RPS6KA5: variants seen among roughly 807,000 people sequenced by gnomAD.
The protein encoded by RPS6KA5 is ribosomal protein S6 kinase A5.
A neutral mutation model predicts 85.5 loss-of-function variants in RPS6KA5; 27 were observed. The ratio of observed to expected loss-of-function variants is 0.32; its 90% CI spans 0.23 to 0.44. The LOEUF is 0.44. RPS6KA5 is among the 20% of genes least tolerant of loss of function. The pLI, the probability that RPS6KA5 is intolerant of heterozygous loss-of-function variation, is 1.00. For synonymous variants in RPS6KA5, 334 were observed against 348.2 expected, an observed-to-expected ratio of 0.96 and a Z score of 0.46; for missense variants, 811 against 980.9, an observed-to-expected ratio of 0.83 and a Z score of 2.31.
chr14:91,053,492 C>A (rs979238040), intron 1 of RPS6KA5, among the ~76,000 whole-genome samples: 5 of 152,168 alleles, frequency 3.3e-5, no homozygotes, highest in Admixed American at 6.5e-5. Context: ...AACCAATAAA[C>A]TAGTTCACCA....
At chr14:90,911,443 T>C (rs573358398) in intron 7 of RPS6KA5, 52 of 152,340 alleles carry the variant, frequency 3.4e-4, no homozygotes, top group African/African-American at 1.2e-3. Context: ...GTTCACAATC[T>C]TTTCCATTTC....
chr14:91,004,948 C>T (rs571944456), intron 1 of RPS6KA5, among the ~76,000 whole-genome samples: 28 of 150,288 alleles, frequency 1.9e-4, no homozygotes, highest in African/African-American at 2.2e-4. Flanking sequence ...CCAGCTTGGG[C>T]GACAAAGTGA....
At chr14:90,888,149 G>C (rs2034342472) in intron 14 of RPS6KA5, among the ~76,000 whole-genome samples, 1 of 151,944 alleles carries the variant, frequency 6.6e-6, no homozygotes, top group Non-Finnish European at 1.5e-5. Flanking sequence ...ATTATCCTGT[G>C]ATATCATTTA....
chr14:90,985,568 A>G (rs1364431604), intron 2 of RPS6KA5, among the ~76,000 whole-genome samples: 1 of 152,270 alleles, frequency 6.6e-6, no homozygotes. Context: ...TACCTTGAAT[A>G]GAATGTTTAC....
In RPS6KA5 at chr14:90,900,710, G is replaced by C; in HGVS notation, c.1146C>G (p.Ile382Met). 3 of 1,612,926 alleles carry C rather than the reference G, an allele frequency of 1.9e-6. No individual in the cohort carries two copies. Among genetic ancestry groups the C allele is most frequent in the Non-Finnish European group, 1.7e-6 (2 of 1,179,502 alleles). The change falls in exon 10 of 17, where the codon ATC (isoleucine) becomes ATG (methionine). Residue 382 changes from isoleucine (I) to methionine (M), a missense_variant. Around this residue, in one of 3 missense-constraint regions of RPS6KA5, gnomAD observed 650 missense variants for 793.4 expected, o/e 0.82. Coordinates refer to ENST00000614987, the MANE Select transcript of RPS6KA5 (RefSeq NM_004755.4). ...TGACAGCTGCATTACGCTTGAATAG[G>C]ATGGAAGGAGCAACAAAGGAATAGC... is the stretch of plus-strand genomic sequence containing the variant. ...FQGYSFVAPS[I>M]LFKRNAAVID...
chr14:90,934,983 A>C (rs184988025), intron 5 of RPS6KA5, among the ~76,000 whole-genome samples: 419 of 152,282 alleles, frequency 2.8e-3, no homozygotes, highest in Admixed American at 9.6e-3. Flanking sequence ...AAATAACTAA[A>C]TTATCCTAGA....
intron 2 of RPS6KA5, among the ~76,000 whole-genome samples, chr14:90,987,697 AGCC>A (rs1057305399): frequency 2.7e-5 from 4 of 150,456 alleles, no homozygotes; most frequent in Non-Finnish European, 4.4e-5. Context: ...CAGCAGCAGC[AGCC>A]ACAACAACAA....
At chr14:90,990,867 G>A (rs1316094132) in intron 2 of RPS6KA5, among the ~76,000 whole-genome samples, 2 of 152,146 alleles carry the variant, frequency 1.3e-5, no homozygotes, top group African/African-American at 4.8e-5. Context: ...AGATACTAGG[G>A]CCTACTTGAG....
chr14:90,871,937 G>A lies in RPS6KA5; in HGVS notation c.*137C>T. 8.7e-7 allele frequency: 1 copy of A among 1,153,094 alleles called. No homozygotes were observed. The highest frequency in any genetic ancestry group is 1.2e-6 in the Non-Finnish European group (1 of 813,024). 71.4% of individuals were successfully genotyped at this position (1,153,094 alleles called of 1,614,324 possible). A position where few individuals can be genotyped will look rare whatever the true frequency, so the allele number is the denominator to read the frequency against. On this transcript the variant is annotated 3_prime_UTR_variant, in exon 17 of 17. Transcript: ENST00000614987. ...CTTTTGAATGAGGATAACCAAACAG[G>A]TTTTCCTGAAAAAAATCATTAGGAG...
intron 1 of RPS6KA5, among the ~76,000 whole-genome samples, chr14:91,004,751 A>G (rs1277527585): frequency 6.6e-6 from 1 of 151,924 alleles, no homozygotes; most frequent in Admixed American, 6.5e-5. Context: ...GTGGATCACG[A>G]GGTCAGGAGA....
chr14:90,875,398 A>T (rs546253892), intron 14 of RPS6KA5, 38 bp from the exon 15 acceptor site: 2 of 1,584,746 alleles, frequency 1.3e-6, no homozygotes, highest in South Asian at 2.3e-5. Flanking sequence ...ATGACTACCC[A>T]GATCTGTTAA....
At chr14:90,971,734 T>C (rs1481731010) in intron 3 of RPS6KA5, among the ~76,000 whole-genome samples, 5 of 152,200 alleles carry the variant, frequency 3.3e-5, no homozygotes, top group Admixed American at 3.3e-4. Flanking sequence ...AGTAGGCACA[T>C]GATGGCAGCC....
Position 90,864,903 on chromosome 14 carries a change from G to A in RPS6KA5, c.*7171C>T, listed in dbSNP as rs1430143505. On this transcript the variant is annotated 3_prime_UTR_variant, in exon 17 of 17. Transcript: ENST00000614987. ...GAGTGGCTAAACTACTAGGGCTGAT[G>A]GTACCAAGCACTGATGAGGATGTGG... is the stretch of plus-strand genomic sequence containing the variant. The A allele has an allele frequency of 6.6e-6, 1 of 152,198 alleles. No individual in the cohort carries two copies. The highest frequency in any genetic ancestry group is 2.4e-5 in the African/African-American group (1 of 41,428). 9.4% of individuals were successfully genotyped at this position (152,198 alleles called of 1,614,324 possible).
At chr14:90,932,571 G>A (rs180954037) in intron 5 of RPS6KA5, among the ~76,000 whole-genome samples, 5 of 152,100 alleles carry the variant, frequency 3.3e-5, no homozygotes, top group East Asian at 3.9e-4. Context: ...CTAAAACCTC[G>A]ATGTGTCCAC....
chr14:90,940,084 A>C (rs1381057665), intron 5 of RPS6KA5, among the ~76,000 whole-genome samples: 1 of 152,178 alleles, frequency 6.6e-6, no homozygotes, highest in Non-Finnish European at 1.5e-5. Flanking sequence ...CAGCAAAGGA[A>C]AATTCCTACC....
At position 90,899,459 on chromosome 14, in the gene RPS6KA5, C is replaced by T. The variant is rs773333517; in HGVS notation, c.1380-37G>A. On this transcript the variant is annotated intron_variant, in intron 11 of 16. Coordinates refer to ENST00000614987, the MANE Select transcript of RPS6KA5 (RefSeq NM_004755.4). ...GACACTTAGCATCCACATGTCTCTTCAAGAAAGTTTTTATATCAGTACTGC... is the reference window on the plus strand; with the variant it reads ...GACACTTAGCATCCACATGTCTCTTTAAGAAAGTTTTTATATCAGTACTGC... 5.4e-6 allele frequency: 8 copies of T among 1,470,638 alleles called. No individual in the cohort carries two copies. The Admixed American group carries it at 1.4e-4, about 26-fold the overall frequency. 91.1% of individuals were successfully genotyped at this position (1,470,638 alleles called of 1,614,324 possible).
chr14:90,917,242 G>C (rs1401700471), intron 7 of RPS6KA5, among the ~76,000 whole-genome samples: 2 of 152,162 alleles, frequency 1.3e-5, no homozygotes, highest in African/African-American at 4.8e-5. Context: ...AACTCACCCT[G>C]ATTTTAAAAA....
chr14:90,881,452 CA>C (rs375439250), intron 14 of RPS6KA5, among the ~76,000 whole-genome samples: 5,579 of 125,894 alleles, frequency 0.044, 272 homozygotes, highest in African/African-American at 0.14. Flanking sequence ...GACTCTGTCT[CA>C]AAAAAAAAAA....
At chr14:90,958,607 G>C (rs1047704676) in intron 3 of RPS6KA5, among the ~76,000 whole-genome samples, 4 of 149,684 alleles carry the variant, frequency 2.7e-5, no homozygotes, top group Non-Finnish European at 6.0e-5. Flanking sequence ...ATCTAAATCT[G>C]TGTTTTAAAA....
Sources: gnomAD v4.1 joint callset for allele counts (sites outside exome capture counted in the v4.1 genomes callset) on GRCh38, gnomAD v4.1.1 for gene constraint, gnomAD v4.1.1 regional missense constraint, MANE v1.5 for transcripts, NCBI Gene and HGNC (gene_info 2026-07-23, HGNC 2026-07-21) for gene names.